ITFG1: variants seen among roughly 807,000 people sequenced by gnomAD.
ITFG1 encodes the protein T-cell immunomodulatory protein.
Under a neutral mutation model 81.8 loss-of-function variants are expected in ITFG1, and 34 were observed. The ratio of observed to expected loss-of-function variants is 0.42; its 90% confidence interval spans 0.32 to 0.55. ITFG1 has a LOEUF of 0.55. Ranked by LOEUF, ITFG1 falls within the 20% of genes least tolerant of loss-of-function variation. The pLI, the probability that ITFG1 is intolerant of heterozygous loss-of-function variation, is 0.17. For synonymous variants in ITFG1, 285 were observed against 270.6 expected, an observed-to-expected ratio of 1.05 and a Z score of -0.52; for missense variants, 672 against 755.4, an observed-to-expected ratio of 0.89 and a Z score of 1.29.
chr16:47,317,129 C>G (rs1454981014), intron 8 of ITFG1, among the ~76,000 whole-genome samples: 1 of 152,166 alleles, frequency 6.6e-6, no homozygotes, highest in East Asian at 1.9e-4. Context: ...CCTGAACTAA[C>G]AAACACATGC....
At chr16:47,449,562 C>A (rs887138204) in intron 5 of ITFG1, 1 of 152,166 alleles carries the variant, frequency 6.6e-6, no homozygotes, top group Non-Finnish European at 1.5e-5. Context: ...GGCATCAGGA[C>A]AAATCTTAGA....
At chr16:47,265,438 A>G (rs1295647678) in intron 10 of ITFG1, among the ~76,000 whole-genome samples, 2 of 152,110 alleles carry the variant, frequency 1.3e-5, no homozygotes, top group East Asian at 3.8e-4. Flanking sequence ...CTGTCTAAAC[A>G]AACAAAAACC....
At chr16:47,447,938 AT>A (rs138260808) in intron 5 of ITFG1, among the ~76,000 whole-genome samples, 151 of 152,324 alleles carry the variant, frequency 9.9e-4, no homozygotes, top group African/African-American at 3.5e-3. Context: ...GATCTCTCAG[AT>A]TTTAATAGAT....
intron 14 of ITFG1, among the ~76,000 whole-genome samples, chr16:47,203,288 G>A (rs1233433524): frequency 6.6e-6 from 1 of 152,322 alleles, no homozygotes; most frequent in East Asian, 1.9e-4. Flanking sequence ...GGTACCTAGA[G>A]CAGCAGTCCT....
intron 7 of ITFG1, among the ~76,000 whole-genome samples, chr16:47,374,790 A>G (rs1968302827): frequency 6.6e-6 from 1 of 152,190 alleles, no homozygotes; most frequent in Non-Finnish European, 1.5e-5. Context: ...AAAGAATCAA[A>G]TTGCTGAGCT....
chr16:47,343,919 G>A (rs1363214346), intron 8 of ITFG1, among the ~76,000 whole-genome samples: 2 of 152,056 alleles, frequency 1.3e-5, no homozygotes, highest in Non-Finnish European at 2.9e-5. Context: ...AAAACAACTC[G>A]TGAGTTCATC....
intron 14 of ITFG1, among the ~76,000 whole-genome samples, chr16:47,212,566 T>C (rs1304359921): frequency 2.0e-5 from 3 of 152,222 alleles, no homozygotes; most frequent in Admixed American, 1.3e-4. Flanking sequence ...ACCACTTGGG[T>C]CTACCTATTT....
At chr16:47,182,937 C>G (rs556716079) in intron 14 of ITFG1, among the ~76,000 whole-genome samples, 2 of 152,292 alleles carry the variant, frequency 1.3e-5, no homozygotes, top group Admixed American at 1.3e-4. Context: ...GGAAGCAGGG[C>G]GAGCCATTGC....
intron 10 of ITFG1, among the ~76,000 whole-genome samples, chr16:47,297,644 T>C (rs891405497): frequency 2.0e-5 from 3 of 152,000 alleles, no homozygotes; most frequent in African/African-American, 4.8e-5. Context: ...TTTTTTTTTT[T>C]TTTCTCTTTA....
Position 47,218,954 on chromosome 16 carries a change from AG to A in ITFG1, c.1375-9del. On this transcript the variant is annotated splice_polypyrimidine_tract_variant and intron_variant, in intron 13 of 17. Transcript: ENST00000320640. ...TTGATTCACTCCAAAGGGCTGCAAT[AG>A]AAAAAAAAAATAGTTAAGGCTTGGA... The A allele has an allele frequency of 6.4e-7, 1 of 1,556,806 alleles. No individual in the cohort carries two copies. The highest frequency in any genetic ancestry group is 1.9e-5 in the Admixed American group (1 of 51,294).
At chr16:47,377,964 A>G (rs74764402) in intron 6 of ITFG1, among the ~76,000 whole-genome samples, 1 of 152,306 alleles carries the variant, frequency 6.6e-6, no homozygotes, top group South Asian at 2.1e-4. Context: ...CTTTAAATGG[A>G]AAGTCTTGGG....
intron 10 of ITFG1, among the ~76,000 whole-genome samples, chr16:47,266,017 AC>A (rs1966271008): frequency 6.6e-6 from 1 of 152,220 alleles, no homozygotes; most frequent in Non-Finnish European, 1.5e-5. Context: ...CAATTTAATA[AC>A]AAAAGACAAC....
intron 8 of ITFG1, among the ~76,000 whole-genome samples, chr16:47,330,001 A>T (rs887037769): frequency 3.3e-5 from 5 of 152,114 alleles, no homozygotes; most frequent in African/African-American, 1.2e-4. Flanking sequence ...TTGGGCAGGG[A>T]TAGGTTACAG....
intron 14 of ITFG1, among the ~76,000 whole-genome samples, chr16:47,170,282 G>C (rs1011268473): frequency 1.3e-5 from 2 of 152,162 alleles, no homozygotes; most frequent in African/African-American, 4.8e-5. Flanking sequence ...ATTGTTGGTA[G>C]AATTTCATCA....
chr16:47,443,729 C>A (rs186027036), intron 5 of ITFG1, among the ~76,000 whole-genome samples: 2 of 152,170 alleles, frequency 1.3e-5, no homozygotes, highest in African/African-American at 4.8e-5. Flanking sequence ...AGGGGAACAT[C>A]ACATACCGGG....
chr16:47,355,193 T>C (rs910791546), intron 8 of ITFG1, among the ~76,000 whole-genome samples: 2 of 152,076 alleles, frequency 1.3e-5, no homozygotes, highest in African/African-American at 4.8e-5. Context: ...CTATATACAA[T>C]GATATATTGT....
rs1222007051 is a variant in ITFG1 at position 47,376,964 on chromosome 16, C to CAAAAAAAAAAAAA, written c.656-1037_656-1025dup. ...GAGACAGAGGGAGACTCTGTCTCCC[C>CAAAAAAAAAAAAA]AAAAAAAAAAAAAAAAAAAAAAAAA... On this transcript the variant is annotated intron_variant, in intron 6 of 17. Coordinates refer to ENST00000320640, the MANE Select transcript of ITFG1 (RefSeq NM_030790.5). Among the ~76,000 whole-genome samples the CAAAAAAAAAAAAA allele has an allele frequency of 8.9e-4, 16 of 18,074 alleles. 5 individuals are homozygous for CAAAAAAAAAAAAA. The highest frequency in any genetic ancestry group is 1.7e-3 in the African/African-American group (14 of 8,054). 11.9% of individuals were successfully genotyped at this position (18,074 alleles called of 152,430 possible). A position where few individuals can be genotyped will look rare whatever the true frequency, so the allele number is the denominator to read the frequency against.
chr16:47,452,142 G>A (rs959712902), intron 4 of ITFG1, among the ~76,000 whole-genome samples: 1 of 152,178 alleles, frequency 6.6e-6, no homozygotes, highest in East Asian at 1.9e-4. Flanking sequence ...CTGACACACT[G>A]CTGTATGGGT....
intron 7 of ITFG1, among the ~76,000 whole-genome samples, chr16:47,373,520 A>C (rs1265291874): frequency 2.0e-5 from 3 of 152,120 alleles, no homozygotes; most frequent in African/African-American, 7.2e-5. Flanking sequence ...ACCTCAGATG[A>C]TCTGGCCGCC....
Sources: gnomAD v4.1 joint callset for allele counts (sites outside exome capture counted in the v4.1 genomes callset) on GRCh38, gnomAD v4.1.1 for gene constraint, MANE v1.5 for transcripts, NCBI Gene and HGNC (gene_info 2026-07-23, HGNC 2026-07-21) for gene names.